Variants in FHIP1A observed in about 807,000 individuals in gnomAD.
FHIP1A encodes the protein FHF complex subunit HOOK interacting protein 1A.
Under a neutral mutation model 88.6 loss-of-function variants are expected in FHIP1A, and 61 were observed. The ratio of observed to expected loss-of-function variants is 0.69; its 90% CI spans 0.56 to 0.85. The LOEUF (loss-of-function observed/expected upper bound fraction) is 0.85. FHIP1A is among the 40% of genes least tolerant of loss of function. The pLI, the probability that FHIP1A is intolerant of heterozygous loss-of-function variation, is 0.00. For synonymous variants in FHIP1A, 478 were observed against 496.0 expected (o/e 0.96, Z 0.48); for missense variants, 1,154 against 1,273.5 (o/e 0.91, Z 1.43).
intron 8 of FHIP1A, among the ~76,000 whole-genome samples, chr4:151,631,662 C>T (rs1230443620): frequency 6.6e-6 from 1 of 152,104 alleles, no homozygotes; most frequent in East Asian, 1.9e-4. Context: ...TTTGTAAGAA[C>T]ACCAGTTAAG....
intron 2 of FHIP1A, 100 bp downstream of exon 2, chr4:151,454,908 G>A (rs1469703441): frequency 6.6e-6 from 1 of 151,952 alleles, no homozygotes; most frequent in Non-Finnish European, 1.5e-5. Context: ...CCCTTATGTG[G>A]ATTTCCCCAT....
chr4:151,590,130 T>A (rs1293110297), intron 7 of FHIP1A, among the ~76,000 whole-genome samples: 1 of 152,224 alleles, frequency 6.6e-6, no homozygotes, highest in African/African-American at 2.4e-5. Context: ...GTATCTTGCA[T>A]TGAAGACCTC....
intron 7 of FHIP1A, among the ~76,000 whole-genome samples, chr4:151,617,744 G>A (rs1393651596): frequency 1.3e-5 from 2 of 152,162 alleles, no homozygotes; most frequent in Non-Finnish European, 1.5e-5. Flanking sequence ...AAATTAGCCA[G>A]GCATGGTGGC....
intron 1 of FHIP1A, among the ~76,000 whole-genome samples, chr4:151,420,733 C>T (rs1349313585): frequency 6.6e-6 from 1 of 152,186 alleles, no homozygotes; most frequent in Non-Finnish European, 1.5e-5. Context: ...CCTAGTGTTG[C>T]TTTTCTTTTG....
intron 3 of FHIP1A, among the ~76,000 whole-genome samples, chr4:151,557,793 A>C (rs994960292): frequency 6.6e-6 from 1 of 152,222 alleles, no homozygotes; most frequent in South Asian, 2.1e-4. Flanking sequence ...ACCTCCAAGC[A>C]GAAATTAGAT....
chr4:151,602,603 C>G (rs1734918349), intron 7 of FHIP1A, among the ~76,000 whole-genome samples: 1 of 152,124 alleles, frequency 6.6e-6, no homozygotes, highest in East Asian at 1.9e-4. Flanking sequence ...GAAAGTACGC[C>G]AGGAGAGCTG....
intron 3 of FHIP1A, among the ~76,000 whole-genome samples, chr4:151,517,714 G>A (rs28505227): frequency 0.083 from 12,698 of 152,082 alleles, 925 homozygotes; most frequent in South Asian, 0.28. Context: ...TTCTAGTGAT[G>A]TTCTGATGAT....
intron 3 of FHIP1A, among the ~76,000 whole-genome samples, chr4:151,501,028 G>A (rs763266974): frequency 7.9e-5 from 12 of 152,308 alleles, no homozygotes; most frequent in Non-Finnish European, 1.5e-4. Context: ...AAGCATTGGA[G>A]TGAAGCTCCC....
intron 3 of FHIP1A, among the ~76,000 whole-genome samples, chr4:151,503,185 A>AG (rs1421002493): frequency 6.6e-6 from 1 of 152,148 alleles, no homozygotes; most frequent in Non-Finnish European, 1.5e-5. Flanking sequence ...TACCTTATGG[A>AG]TACTGCTTTG....
intron 7 of FHIP1A, among the ~76,000 whole-genome samples, chr4:151,627,840 C>G (rs1736007861): frequency 6.6e-6 from 1 of 152,146 alleles, no homozygotes; most frequent in Non-Finnish European, 1.5e-5. Flanking sequence ...ATCACTAGAT[C>G]TTTGGGGCTA....
rs780785643 is a variant in FHIP1A, at chr4:151,665,121, C to T, written c.*2367C>T. 6.6e-6 allele frequency among the ~76,000 whole-genome samples: 1 copy of T among 152,120 alleles called. No homozygotes were observed. Among genetic ancestry groups the T allele is most frequent in the African/African-American group, 2.4e-5 (1 of 41,508 alleles). On this transcript the variant is annotated 3_prime_UTR_variant, in exon 14 of 14. Transcript: ENST00000435205. ...TTCCGAGTAGCTGGGAATATAGGAA[C>T]GTGCCACCACACCCAGCTAACTTTT...
chr4:151,525,961 T>A (rs1307543450), intron 3 of FHIP1A, among the ~76,000 whole-genome samples: 1 of 151,902 alleles, frequency 6.6e-6, no homozygotes, highest in Admixed American at 6.6e-5. Flanking sequence ...TGATGACTCT[T>A]AAGGAGCATG....
chr4:151,553,261 ATT>A (rs1732816531), intron 3 of FHIP1A, among the ~76,000 whole-genome samples: 1 of 152,228 alleles, frequency 6.6e-6, no homozygotes, highest in Non-Finnish European at 1.5e-5. Flanking sequence ...TTCATAAACA[ATT>A]ACAAGAAAAG....
At chr4:151,514,084 A>G (rs1471977833) in intron 3 of FHIP1A, among the ~76,000 whole-genome samples, 2 of 152,224 alleles carry the variant, frequency 1.3e-5, no homozygotes, top group African/African-American at 2.4e-5. Context: ...GTAAAAGATC[A>G]GACATTGTAA....
rs145301390 is a variant in FHIP1A, at chr4:151,455,540, A to C, written c.-248+732A>C. ...AGGAACCATGGAAGGACTAGGAGTC[A>C]ATTTCATTACTTTCTTGAGGTGTGG... On this transcript the variant is annotated intron_variant, in intron 2 of 13. Coordinates refer to ENST00000435205, the MANE Select transcript of FHIP1A (RefSeq NM_001109977.3). 3.3e-4 allele frequency among the ~76,000 whole-genome samples: 51 copies of C among 152,286 alleles called. No homozygotes were observed. The Middle Eastern group carries it at 0.01, about 30-fold the overall frequency.
At chr4:151,548,112 G>A (rs1033287807) in intron 3 of FHIP1A, among the ~76,000 whole-genome samples, 2 of 151,952 alleles carry the variant, frequency 1.3e-5, no homozygotes, top group African/African-American at 4.8e-5. Flanking sequence ...TTGAATCTGG[G>A]TCTCCATGAC....
intron 3 of FHIP1A, among the ~76,000 whole-genome samples, chr4:151,508,692 A>ATGTC (rs1730917942): frequency 6.6e-6 from 1 of 152,210 alleles, no homozygotes; most frequent in Non-Finnish European, 1.5e-5. Flanking sequence ...TGGGCTTACC[A>ATGTC]AAAATAGGTG....
At chr4:151,574,074 G>T (rs562824898) in intron 4 of FHIP1A, among the ~76,000 whole-genome samples, 2 of 152,336 alleles carry the variant, frequency 1.3e-5, no homozygotes, top group African/African-American at 4.8e-5. Flanking sequence ...GGGTGTGTCT[G>T]CCTGGAAAGG....
chr4:151,522,954 T>A (rs1468889742), intron 3 of FHIP1A, among the ~76,000 whole-genome samples: 1 of 152,232 alleles, frequency 6.6e-6, no homozygotes, highest in Non-Finnish European at 1.5e-5. Context: ...CAGGGGTTTG[T>A]GATTTTCTGA....
Sources: allele counts gnomAD v4.1 joint callset (sites outside exome capture counted in the v4.1 genomes callset), GRCh38; gene constraint gnomAD v4.1.1; transcripts MANE v1.5; gene names NCBI Gene and HGNC (gene_info 2026-07-23, HGNC 2026-07-21).